ZNF148: variants seen among roughly 807,000 people sequenced by gnomAD.
ZNF148 encodes the protein zinc finger protein 148, also known as Beta-Enolase Repressor Factor-1.
ZNF148 carries 7 observed loss-of-function variants against 67.7 expected under a neutral mutation model. The ratio of observed to expected loss-of-function variants is 0.10; its 90% CI spans 0.06 to 0.19. The LOEUF (loss-of-function observed/expected upper bound fraction) is 0.19. Among genes scored for constraint, ZNF148 ranks in the 10% least tolerant of loss-of-function variants. The pLI, the probability that ZNF148 is intolerant of heterozygous loss-of-function variation, is 1.00. For missense variants in ZNF148, 583 were observed against 947.1 expected (o/e 0.62, Z 5.05); for synonymous variants, 333 against 330.7 (o/e 1.01, Z -0.08).
intron 4 of ZNF148, among the ~76,000 whole-genome samples, chr3:125,305,798 A>G (rs907378123): frequency 1.3e-5 from 2 of 151,804 alleles, no homozygotes; most frequent in African/African-American, 2.4e-5. Flanking sequence ...GGGCAAAAAA[A>G]AAAAAAAGAA....
chr3:125,373,944 G>C (rs1942975392), intron 1 of ZNF148, among the ~76,000 whole-genome samples: 1 of 152,120 alleles, frequency 6.6e-6, no homozygotes, highest in Admixed American at 6.6e-5. Context: ...CAATTCTCCT[G>C]GACCAGATAA....
In ZNF148 at chr3:125,341,501, G is replaced by A. The variant is rs548894323; in HGVS notation, c.-233-10263C>T. Among the ~76,000 whole-genome samples, 130 of 151,990 alleles carry A rather than the reference G, an allele frequency of 8.6e-4. 1 individual carries two copies. Among genetic ancestry groups the A allele is most frequent in the African/African-American group, 3.0e-3 (126 of 41,448 alleles). The stretch of plus-strand genomic sequence containing the variant: ...CTGGGCATGGTGGCACACACCTGTA[G>A]TCCCAGCTACTTGCCAGGCTAAGGT... On this transcript the variant is annotated intron_variant, in intron 1 of 8. Transcript: ENST00000360647.
chr3:125,278,431 C>T (rs1370361309), intron 6 of ZNF148, among the ~76,000 whole-genome samples: 1 of 152,102 alleles, frequency 6.6e-6, no homozygotes, highest in African/African-American at 2.4e-5. Context: ...GAGTAGTCTA[C>T]TCTAAGTCAA....
intron 1 of ZNF148, among the ~76,000 whole-genome samples, chr3:125,354,509 G>A (rs548294807): frequency 9.9e-5 from 15 of 152,148 alleles, no homozygotes; most frequent in Non-Finnish European, 2.2e-4. Flanking sequence ...TATCCAATTT[G>A]TATTTCCCCA....
chr3:125,298,618 A>ATTTTTTT (rs11312460), intron 4 of ZNF148, among the ~76,000 whole-genome samples: 1 of 102,658 alleles, frequency 9.7e-6, no homozygotes, highest in Non-Finnish European at 1.8e-5. Context: ...TTTATATTAA[A>ATTTTTTT]TTTTTTTTTT....
At chr3:125,258,143 C>T (rs372489860) in intron 7 of ZNF148, among the ~76,000 whole-genome samples, 1 of 151,902 alleles carries the variant, frequency 6.6e-6, no homozygotes, top group Admixed American at 6.6e-5. Context: ...CATCTTCCAG[C>T]TGGGTGCGGT....
chr3:125,243,654 C>T (rs1170647656), intron 7 of ZNF148, among the ~76,000 whole-genome samples: 1 of 151,894 alleles, frequency 6.6e-6, no homozygotes, highest in Non-Finnish European at 1.5e-5. Context: ...TCCCAAGTAG[C>T]CAGGACCACA....
intron 1 of ZNF148, among the ~76,000 whole-genome samples, chr3:125,370,701 C>A (rs893384112): frequency 6.6e-6 from 1 of 152,168 alleles, no homozygotes; most frequent in Non-Finnish European, 1.5e-5. Flanking sequence ...GCACCTCATA[C>A]ACAAATTTCA....
chr3:125,245,715 C>T (rs1936568211), intron 7 of ZNF148, among the ~76,000 whole-genome samples: 1 of 152,212 alleles, frequency 6.6e-6, no homozygotes, highest in Admixed American at 6.5e-5. Flanking sequence ...TTCCCACTGT[C>T]ATCACCCAAA....
At position 125,355,534 on chromosome 3, in the gene ZNF148, T is replaced by C. The variant is rs1413550601; in HGVS notation, c.-234+19568A>G. 5.9e-5 allele frequency among the ~76,000 whole-genome samples: 9 copies of C among 152,280 alleles called. No individual in the cohort carries two copies. The East Asian group carries it at 1.7e-3, about 29-fold the overall frequency. ...AGACAAGGGAAAAAGAAGAAGACTG[T>C]TTTTGTTTTGTGATATAGGAGGAAT... On this transcript the variant is annotated intron_variant, in intron 1 of 8. Transcript: ENST00000360647.
In ZNF148 at chr3:125,288,220, T is replaced by C. The variant is rs771989772; in HGVS notation, c.342A>G (p.Val114=). ...LQYALNVPIS[V]KQEITFTDVS... Reference sequence around the variant, plus strand: ...CATCAGTAAAAGTAATTTCCTGCTTTACGCTTATCTGTTTAAAAAAAGAAA... The same window carrying C: ...CATCAGTAAAAGTAATTTCCTGCTTCACGCTTATCTGTTTAAAAAAAGAAA... Residue 114 remains valine, a synonymous_variant, in exon 5 of 9, where the codon GTA becomes GTG. Transcript: ENST00000360647. 6.2e-6 allele frequency: 10 copies of C among 1,605,228 alleles called. No homozygotes were observed. Among genetic ancestry groups the C allele is most frequent in the Middle Eastern group, 3.3e-4 (2 of 6,010 alleles).
intron 4 of ZNF148, among the ~76,000 whole-genome samples, chr3:125,288,597 G>T (rs1938836088): frequency 6.6e-6 from 1 of 151,888 alleles, no homozygotes; most frequent in Non-Finnish European, 1.5e-5. Context: ...AAAAGGTTAA[G>T]GTCCAAAATT....
intron 2 of ZNF148, among the ~76,000 whole-genome samples, chr3:125,329,238 G>GAT (rs1037685551): frequency 6.8e-6 from 1 of 146,544 alleles, no homozygotes; most frequent in South Asian, 2.1e-4. Flanking sequence ...TATATGTATA[G>GAT]ATATATATAT....
chr3:125,316,678 A>AT (rs1003604809), intron 3 of ZNF148, among the ~76,000 whole-genome samples: 9 of 152,086 alleles, frequency 5.9e-5, no homozygotes, highest in African/African-American at 1.9e-4. Context: ...TCTTTTGCCC[A>AT]TTTTTTGATT....
intron 7 of ZNF148, among the ~76,000 whole-genome samples, chr3:125,262,971 A>C (rs915238297): frequency 6.6e-6 from 1 of 152,258 alleles, no homozygotes; most frequent in Non-Finnish European, 1.5e-5. Flanking sequence ...TAGTTCAACT[A>C]AACTATTCTG....
intron 4 of ZNF148, among the ~76,000 whole-genome samples, chr3:125,301,515 TTAAA>T (rs1192165197): frequency 6.6e-6 from 1 of 152,172 alleles, no homozygotes; most frequent in Non-Finnish European, 1.5e-5. Flanking sequence ...GCTACAGAAC[TTAAA>T]TAATTTTAAA....
At chr3:125,260,681 T>C (rs1579644087) in intron 7 of ZNF148, among the ~76,000 whole-genome samples, 2 of 152,302 alleles carry the variant, frequency 1.3e-5, no homozygotes, top group African/African-American at 2.4e-5. Context: ...ATCTTGACTG[T>C]GGTAGTAGTT....
intron 7 of ZNF148, among the ~76,000 whole-genome samples, chr3:125,259,252 A>G (rs1937229905): frequency 6.6e-6 from 1 of 152,228 alleles, no homozygotes; most frequent in Non-Finnish European, 1.5e-5. Context: ...ACAAATAAAC[A>G]CATGAAAAAA....
chr3:125,271,324 C>T (rs1214972774), intron 7 of ZNF148, among the ~76,000 whole-genome samples: 1 of 152,214 alleles, frequency 6.6e-6, no homozygotes, highest in African/African-American at 2.4e-5. Flanking sequence ...GCACATCTTG[C>T]CTCTGCCCAC....
Sources: gnomAD v4.1 joint callset for allele counts (sites outside exome capture counted in the v4.1 genomes callset) on GRCh38, gnomAD v4.1.1 for gene constraint, MANE v1.5 for transcripts, NCBI Gene and HGNC (gene_info 2026-07-23, HGNC 2026-07-21) for gene names.